Variants in CMTR1 observed in about 807,000 individuals in gnomAD.
CMTR1 encodes cap-specific mRNA (nucleoside-2'-O-)-methyltransferase 1.
A neutral mutation model predicts 107.0 loss-of-function variants in CMTR1; 39 were observed. The observed-to-expected ratio is 0.36, with a 90% CI of 0.28 to 0.48. The LOEUF is 0.48. CMTR1 is among the 20% of genes least tolerant of loss of function. CMTR1 has a pLI of 0.99. For missense variants in CMTR1, 672 were observed against 1,064.9 expected (o/e 0.63, Z 5.14); for synonymous variants, 366 against 379.5 (o/e 0.96, Z 0.41).
intron 23 of CMTR1, among the ~76,000 whole-genome samples, chr6:37,479,584 C>T (rs1190844229): frequency 1.3e-5 from 2 of 152,240 alleles, no homozygotes; most frequent in African/African-American, 2.4e-5. Context: ...TGGGAACCTG[C>T]TGAGGGCCCA....
At position 37,473,700 on chromosome 6, in the gene CMTR1, G is replaced by C. The variant is rs1045978960; in HGVS notation, c.1821+99G>C. 6 of 1,379,570 alleles carry C rather than the reference G, an allele frequency of 4.3e-6. No homozygotes were observed. In the African/African-American group the frequency reaches 7.2e-5, roughly 17 times the overall value. 85.5% of individuals were successfully genotyped at this position (1,379,570 alleles called of 1,614,324 possible). A position where few individuals can be genotyped will look rare whatever the true frequency, so the allele number is the denominator to read the frequency against. On this transcript the variant is annotated intron_variant, in intron 17 of 23. Coordinates refer to ENST00000373451, the MANE Select transcript of CMTR1 (RefSeq NM_015050.3). The stretch of plus-strand genomic sequence containing the variant: ...GCCACACTTGGTACATGTTCTCTTG[G>C]CATTAAGTAGCTGTTGCTTTGACCC...
intron 4 of CMTR1, among the ~76,000 whole-genome samples, chr6:37,448,977 G>C (rs919012919): frequency 1.2e-4 from 19 of 152,150 alleles, no homozygotes; most frequent in Non-Finnish European, 2.6e-4. Flanking sequence ...GTCTTGCGCT[G>C]TTGCCCAGGC....
intron 8 of CMTR1, among the ~76,000 whole-genome samples, chr6:37,455,858 A>G (rs775133848): frequency 3.3e-5 from 5 of 152,252 alleles, no homozygotes; most frequent in Admixed American, 2.0e-4. Flanking sequence ...ATTTAGTCCT[A>G]CAACGGCCTG....
In CMTR1 at chr6:37,461,621, A is replaced by G; in HGVS notation, c.1168A>G (p.Met390Val). The G allele has an allele frequency of 6.2e-7, 1 of 1,611,046 alleles. No individual in the cohort carries two copies. The highest frequency in any genetic ancestry group is 8.5e-7 in the Non-Finnish European group (1 of 1,178,232). The change falls in exon 11 of 24, where the codon ATG (methionine) becomes GTG (valine). Residue 390 changes from methionine to valine, a missense_variant. Coordinates refer to ENST00000373451, the MANE Select transcript of CMTR1 (RefSeq NM_015050.3). ...SKQLLLCQFLMALSIVRTGGH... is the reference protein window; with the variant it reads ...SKQLLLCQFLVALSIVRTGGH... ...GCAGCTGCTTCTGTGTCAGTTCCTCATGGCGCTGTCCATTGTCCGGACAGG... is the reference window on the plus strand; with the variant it reads ...GCAGCTGCTTCTGTGTCAGTTCCTCGTGGCGCTGTCCATTGTCCGGACAGG...
At chr6:37,454,672 A>T (rs1444439917) in intron 8 of CMTR1, among the ~76,000 whole-genome samples, 1 of 152,178 alleles carries the variant, frequency 6.6e-6, no homozygotes, top group Non-Finnish European at 1.5e-5. Context: ...TGTTAGTTAC[A>T]TAGGAAAAGG....
At chr6:37,426,725 T>C in the CMTR1 span, among the ~76,000 whole-genome samples, 1 of 152,190 alleles carries the variant, frequency 6.6e-6, no homozygotes, top group Admixed American at 6.5e-5. Context: ...TTTTTAAAAC[T>C]TTCCCTGGGC....
chr6:37,431,442 C>T, upstream of CMTR1, among the ~76,000 whole-genome samples: 1 of 152,194 alleles, frequency 6.6e-6, no homozygotes, highest in East Asian at 1.9e-4. Flanking sequence ...TATCACTCAA[C>T]CTTCATTCAT....
In CMTR1 at chr6:37,435,708, C is replaced by T. The variant is rs35654909; in HGVS notation, c.79C>T (p.Leu27Phe). 1.9e-6 allele frequency: 3 copies of T among 1,603,184 alleles called. No homozygotes were observed. Among genetic ancestry groups the T allele is most frequent in the South Asian group, 1.1e-5 (1 of 88,790 alleles). ...KKRVAELALS[L>F]SSTSDDEPPS... ...AAGAGTTGCAGAGCTTGCCCTGAGC[C>T]TCAGCTCCACGTCCGATGATGAACC... Residue 27 changes from leucine to phenylalanine, a missense_variant, in exon 2 of 24, where the codon CTC (leucine) becomes TTC (phenylalanine). By Grantham distance (22) the Leu-to-Phe change is conservative. Coordinates refer to ENST00000373451, the MANE Select transcript of CMTR1 (RefSeq NM_015050.3).
chr6:37,429,648 C>T (rs892893751), upstream of CMTR1, among the ~76,000 whole-genome samples: 2 of 152,152 alleles, frequency 1.3e-5, no homozygotes, highest in Non-Finnish European at 2.9e-5. Flanking sequence ...TGAAAGTTTA[C>T]CTGCTATGAT....
intron 19 of CMTR1, chr6:37,475,891 A>T: frequency 1.8e-6 from 1 of 548,434 alleles, no homozygotes; most frequent in East Asian, 3.2e-5. Flanking sequence ...ACTTCAGGAA[A>T]ACCAACCGAC....
rs1761850161 is a variant in CMTR1 at position 37,481,233 on chromosome 6, A to C, written c.*1088A>C. ...GCAGTAGCTTGGGGTGGGGGTGGGC[A>C]CCTGTGGTTGTTTTTAATGGGAAAT... On this transcript the variant is annotated 3_prime_UTR_variant, in exon 24 of 24. Coordinates refer to ENST00000373451, the MANE Select transcript of CMTR1 (RefSeq NM_015050.3). 7.7e-7 allele frequency: 1 copy of C among 1,295,400 alleles called. No individual in the cohort carries two copies. The highest frequency in any genetic ancestry group is 1.0e-6 in the Non-Finnish European group (1 of 985,730). 80.2% of individuals were successfully genotyped at this position (1,295,400 alleles called of 1,614,324 possible). A position where few individuals can be genotyped will look rare whatever the true frequency, so the allele number is the denominator to read the frequency against.
At chr6:37,459,492 C>A in intron 9 of CMTR1, 74 bp from the exon 10 acceptor site, 1 of 1,280,812 alleles carries the variant, frequency 7.8e-7, no homozygotes, top group Non-Finnish European at 1.1e-6. Context: ...TCTTCACTGA[C>A]CCAGAGCACT....
the CMTR1 span, among the ~76,000 whole-genome samples, chr6:37,424,665 C>T: frequency 9.9e-5 from 15 of 151,656 alleles, no homozygotes; most frequent in African/African-American, 2.2e-4. Context: ...CTGGGTTTTA[C>T]GCTAATAATT....
chr6:37,464,992 G>A (rs141853532), intron 13 of CMTR1, among the ~76,000 whole-genome samples: 1 of 150,758 alleles, frequency 6.6e-6, no homozygotes, highest in East Asian at 1.9e-4. Flanking sequence ...TATTATGGCC[G>A]GGCGCGGTGG....
the CMTR1 span, among the ~76,000 whole-genome samples, chr6:37,425,926 C>G: frequency 6.6e-6 from 1 of 152,166 alleles, no homozygotes; most frequent in African/African-American, 2.4e-5. Context: ...TGTTGGTCTG[C>G]TCCGTGGTGT....
upstream of CMTR1, among the ~76,000 whole-genome samples, chr6:37,429,521 G>T (rs1403500104): frequency 6.6e-6 from 1 of 152,166 alleles, no homozygotes; most frequent in Non-Finnish European, 1.5e-5. Flanking sequence ...ACCAATGGAG[G>T]CATGCAGTAT....
chr6:37,441,725 C>G (rs1298081654), intron 2 of CMTR1, among the ~76,000 whole-genome samples: 7 of 152,156 alleles, frequency 4.6e-5, no homozygotes, highest in Non-Finnish European at 1.0e-4. Context: ...GATTTTCAAA[C>G]TAATACATTC....
chr6:37,475,538 C>T, intron 19 of CMTR1, 126 bp downstream of exon 19: 1 of 770,348 alleles, frequency 1.3e-6, no homozygotes. Context: ...GAGAGTTTCC[C>T]CCTCCCACCC....
At position 37,480,284 on chromosome 6, in the gene CMTR1, T is replaced by C; in HGVS notation, c.*139T>C. ...CACCTGGCATGAGGAGTGGGTGGCC[T>C]CCTCTCCATCCCCTGAAGAGCTCAG... On this transcript the variant is annotated 3_prime_UTR_variant, in exon 24 of 24. Coordinates refer to ENST00000373451, the MANE Select transcript of CMTR1 (RefSeq NM_015050.3). The C allele has an allele frequency of 6.9e-7, 1 of 1,459,834 alleles. No homozygotes were observed. The highest frequency in any genetic ancestry group is 1.5e-5 in the African/African-American group (1 of 67,524). 90.4% of individuals were successfully genotyped at this position (1,459,834 alleles called of 1,614,324 possible).
Sources: gnomAD v4.1 joint callset for allele counts (sites outside exome capture counted in the v4.1 genomes callset) on GRCh38, gnomAD v4.1.1 for gene constraint, MANE v1.5 for transcripts, NCBI Gene and HGNC (gene_info 2026-07-23, HGNC 2026-07-21) for gene names.